The following ADAMTS3 variants were observed in gnomAD, a reference collection of about 807,000 sequenced individuals.
The protein encoded by ADAMTS3 is A disintegrin and metalloproteinase with thrombospondin motifs 3.
Under a neutral mutation model 129.0 loss-of-function variants are expected in ADAMTS3, and 73 were observed. That is an observed-to-expected ratio of 0.57 (90% confidence interval 0.47 to 0.69). ADAMTS3 has a LOEUF of 0.69. ADAMTS3 is among the 30% of genes least tolerant of loss of function. The pLI, the probability that ADAMTS3 is intolerant of heterozygous loss-of-function variation, is 0.00. For synonymous variants in ADAMTS3, 477 were observed against 510.8 expected, an observed-to-expected ratio of 0.93 and a Z score of 0.89; for missense variants, 1,457 against 1,514.5, an observed-to-expected ratio of 0.96 and a Z score of 0.63.
At chr4:72,508,456 G>T (rs773049098) in intron 3 of ADAMTS3, among the ~76,000 whole-genome samples, 1 of 152,070 alleles carries the variant, frequency 6.6e-6, no homozygotes, top group South Asian at 2.1e-4. Flanking sequence ...TTAGGAAGAT[G>T]AGTCAAAAAA....
At chr4:72,437,346 G>A (rs73825404) in intron 3 of ADAMTS3, among the ~76,000 whole-genome samples, 5,265 of 151,804 alleles carry the variant, frequency 0.035, 311 homozygotes, top group African/African-American at 0.12. Context: ...CTAGAACCAC[G>A]TACATCGAAA....
At chr4:72,505,329 T>C (rs183747781) in intron 3 of ADAMTS3, among the ~76,000 whole-genome samples, 22 of 152,306 alleles carry the variant, frequency 1.4e-4, no homozygotes, top group East Asian at 1.4e-3. Flanking sequence ...GGTAAGGTCT[T>C]TTGTCTTTGA....
intron 4 of ADAMTS3, among the ~76,000 whole-genome samples, chr4:72,410,879 A>G (rs1387463316): frequency 6.6e-6 from 1 of 152,152 alleles, no homozygotes. Context: ...GAAGTAGACA[A>G]ATTTCTTTGT....
intron 4 of ADAMTS3, among the ~76,000 whole-genome samples, chr4:72,400,277 C>A (rs1341385331): frequency 2.1e-5 from 3 of 145,938 alleles, no homozygotes; most frequent in Non-Finnish European, 4.6e-5. Context: ...TATATGCACA[C>A]ATGGTGTGTG....
intron 3 of ADAMTS3, among the ~76,000 whole-genome samples, chr4:72,516,845 T>C (rs540484789): frequency 2.6e-5 from 4 of 152,140 alleles, no homozygotes; most frequent in East Asian, 1.9e-4. Flanking sequence ...TCCTGCCTAA[T>C]TGCCCTGGCC....
chr4:72,284,675 G>T (rs1284861857), intron 21 of ADAMTS3, among the ~76,000 whole-genome samples: 1 of 152,060 alleles, frequency 6.6e-6, no homozygotes, highest in Non-Finnish European at 1.5e-5. Flanking sequence ...ACAGCACTTT[G>T]TCTAAAAATT....
intron 2 of ADAMTS3, among the ~76,000 whole-genome samples, chr4:72,563,970 C>G (rs1420481134): frequency 6.6e-6 from 1 of 152,094 alleles, no homozygotes; most frequent in African/African-American, 2.4e-5. Flanking sequence ...TCACACTAAA[C>G]CTTACAAACT....
intron 3 of ADAMTS3, among the ~76,000 whole-genome samples, chr4:72,435,847 T>A (rs891395218): frequency 6.6e-6 from 1 of 151,962 alleles, no homozygotes; most frequent in African/African-American, 2.4e-5. Context: ...TATACAAAAA[T>A]TAATTCGAAA....
chr4:72,466,705 A>G (rs893001872), intron 3 of ADAMTS3, among the ~76,000 whole-genome samples: 1 of 152,004 alleles, frequency 6.6e-6, no homozygotes, highest in African/African-American at 2.4e-5. Context: ...TATTTGCCCA[A>G]GTTCTACCCT....
chr4:72,330,388 A>G (rs1578587931), intron 5 of ADAMTS3: 2 of 152,116 alleles, frequency 1.3e-5, no homozygotes, highest in African/African-American at 2.4e-5. Flanking sequence ...GTTCAACTCT[A>G]CTAACAGGAC....
intron 3 of ADAMTS3, among the ~76,000 whole-genome samples, chr4:72,547,687 A>G (rs922174852): frequency 6.6e-6 from 1 of 152,198 alleles, no homozygotes; most frequent in Non-Finnish European, 1.5e-5. Context: ...AATAAATACA[A>G]TTTGATAAAA....
At chr4:72,400,884 G>GAT (rs763664367) in intron 4 of ADAMTS3, among the ~76,000 whole-genome samples, 11 of 147,940 alleles carry the variant, frequency 7.4e-5, no homozygotes, top group Admixed American at 3.4e-4. Context: ...GTATATATTG[G>GAT]ATATATATAT....
chr4:72,506,597 T>A (rs1414177946), intron 3 of ADAMTS3, among the ~76,000 whole-genome samples: 1 of 152,228 alleles, frequency 6.6e-6, no homozygotes, highest in Non-Finnish European at 1.5e-5. Flanking sequence ...GTCCCACATC[T>A]AGGGAAATGC....
chr4:72,301,354 G>GACTGGAATA (rs1223435120), intron 17 of ADAMTS3, among the ~76,000 whole-genome samples: 2 of 151,960 alleles, frequency 1.3e-5, no homozygotes, highest in Admixed American at 6.6e-5. Flanking sequence ...ACAACCTATG[G>GACTGGAATA]ACTGGAATAA....
At chr4:72,476,165 G>A (rs1177837767) in intron 3 of ADAMTS3, among the ~76,000 whole-genome samples, 1 of 151,728 alleles carries the variant, frequency 6.6e-6, no homozygotes, top group Non-Finnish European at 1.5e-5. Context: ...AAAATCAATA[G>A]AGAAAACCAA....
chr4:72,510,256 C>T (rs1720277191), intron 3 of ADAMTS3, among the ~76,000 whole-genome samples: 1 of 151,856 alleles, frequency 6.6e-6, no homozygotes, highest in Non-Finnish European at 1.5e-5. Context: ...CAACATAGTA[C>T]TAAAAGTCCT....
intron 5 of ADAMTS3, among the ~76,000 whole-genome samples, chr4:72,333,600 G>A (rs74917565): frequency 0.037 from 5,609 of 152,032 alleles, 340 homozygotes; most frequent in African/African-American, 0.13. Context: ...GACCCTCAGT[G>A]GCTTTTATTT....
At chr4:72,363,926 A>AATG (rs902651008) in intron 4 of ADAMTS3, among the ~76,000 whole-genome samples, 1 of 152,016 alleles carries the variant, frequency 6.6e-6, no homozygotes, top group Non-Finnish European at 1.5e-5. Context: ...TGGCGACGAT[A>AATG]ATGATGATGA....
chr4:72,391,953 C>T (rs895146824), intron 4 of ADAMTS3, among the ~76,000 whole-genome samples: 1 of 152,166 alleles, frequency 6.6e-6, no homozygotes, highest in African/African-American at 2.4e-5. Flanking sequence ...AACCACCCCA[C>T]GCTATTTTTA....
Sources: allele counts gnomAD v4.1 joint callset (sites outside exome capture counted in the v4.1 genomes callset), GRCh38; gene constraint gnomAD v4.1.1; transcripts MANE v1.5; gene names NCBI Gene and HGNC (gene_info 2026-07-23, HGNC 2026-07-21).